Variants in PHF12 observed in about 807,000 individuals in gnomAD.
PHF12 encodes the protein PHD factor 1.
Under a neutral mutation model 99.8 loss-of-function variants are expected in PHF12, and 6 were observed. The observed-to-expected ratio is 0.06, with a 90% CI of 0.03 to 0.12. The LOEUF (loss-of-function observed/expected upper bound fraction) is 0.12, where lower values mean the gene tolerates loss of function less well. PHF12 is among the 10% of genes least tolerant of loss of function. The probability of loss-of-function intolerance (pLI) is 1.00; values close to 1 mark genes in which losing one functional copy is unlikely to be tolerated. For missense variants in PHF12, 954 were observed against 1,300.1 expected (o/e 0.73, Z 4.09); for synonymous variants, 480 against 514.9 (o/e 0.93, Z 0.92).
At chr17:28,911,010 T>G (rs2039949828) in intron 10 of PHF12, 102 bp downstream of exon 10, 4 of 1,510,350 alleles carry the variant, frequency 2.6e-6, no homozygotes, top group Middle Eastern at 1.8e-4. Flanking sequence ...GCCTCTGGGA[T>G]CAGGTGTCCC....
rs182486377 is a variant in PHF12 at position 28,950,283 on chromosome 17, G to A, written c.67-37C>T. The stretch of plus-strand genomic sequence containing the variant: ...TACAAACGGCGTGTGTGCACACTCG[G>A]AGCTCCCGGGCGGTCCGTCGCCCCC... On this transcript the variant is annotated intron_variant, in intron 1 of 14. Transcript: ENST00000332830. The surrounding 1 kb of genome is among the most constrained non-coding windows in gnomAD (Gnocchi z 5.7). 9.3e-4 allele frequency: 1,454 copies of A among 1,562,798 alleles called. 2 individuals carry two copies. Among genetic ancestry groups the A allele is most frequent in the Non-Finnish European group, 1.2e-3 (1,362 of 1,156,772 alleles).
At chr17:28,928,704 C>A (rs945417765) in intron 2 of PHF12, among the ~76,000 whole-genome samples, 24 of 152,200 alleles carry the variant, frequency 1.6e-4, no homozygotes, top group African/African-American at 5.8e-4. Flanking sequence ...ATCCTTTGAA[C>A]TCGGGAGGCG....
chr17:28,921,098 A>G (rs896853851), intron 5 of PHF12, among the ~76,000 whole-genome samples: 4 of 151,686 alleles, frequency 2.6e-5, no homozygotes, highest in African/African-American at 9.7e-5. Flanking sequence ...GTTAGCCAGG[A>G]TGGTCTCAAT....
At chr17:28,919,399 C>T (rs2040119503) in intron 5 of PHF12, 124 bp from the exon 6 acceptor site, 1 of 525,704 alleles carries the variant, frequency 1.9e-6, no homozygotes, top group Admixed American at 3.6e-5. Context: ...CTAACATTCT[C>T]CCCTATCTTC....
chr17:28,925,282 C>A (rs1778432413), intron 3 of PHF12: 1 of 152,176 alleles, frequency 6.6e-6, no homozygotes, highest in African/African-American at 2.4e-5. Context: ...ACAGAAAAAT[C>A]TTTCTCCTCC....
intron 11 of PHF12, chr17:28,909,813 A>C: frequency 1.9e-6 from 1 of 521,950 alleles, no homozygotes; most frequent in Admixed American, 3.4e-5. Context: ...CTGGTCTCCA[A>C]CTCCTGGGCT....
chr17:28,936,750 T>G (rs914516668), intron 2 of PHF12, among the ~76,000 whole-genome samples: 2 of 152,158 alleles, frequency 1.3e-5, no homozygotes, highest in Non-Finnish European at 2.9e-5. Flanking sequence ...AAGCAAACAA[T>G]AGGACTGAGC....
In PHF12 at chr17:28,931,642, C is replaced by T. The variant is rs542319959; in HGVS notation, c.249-4579G>A. ...TATCACCCAAGCTGGAGTTCAGTGG[C>T]GTGATCTCGGCTCACTGCAACCTCT... On this transcript the variant is annotated intron_variant, in intron 2 of 14. Coordinates refer to ENST00000332830, the MANE Select transcript of PHF12 (RefSeq NM_001033561.2). 4.0e-5 allele frequency among the ~76,000 whole-genome samples: 6 copies of T among 151,218 alleles called. No individual in the cohort carries two copies. In the East Asian group the frequency reaches 9.7e-4, roughly 25 times the overall value.
intron 12 of PHF12, chr17:28,908,098 A>G (rs1427880622): frequency 6.0e-6 from 1 of 165,778 alleles, no homozygotes; most frequent in African/African-American, 2.4e-5. Flanking sequence ...GGGAAAACAA[A>G]ACAAAACAAA....
At chr17:28,942,076 A>G (rs536226388) in intron 2 of PHF12, among the ~76,000 whole-genome samples, 3 of 152,314 alleles carry the variant, frequency 2.0e-5, no homozygotes, top group African/African-American at 4.8e-5. Flanking sequence ...TTTGCTAGGA[A>G]AGGACATGCA....
chr17:28,932,800 G>A (rs907528448), intron 2 of PHF12, among the ~76,000 whole-genome samples: 5 of 152,158 alleles, frequency 3.3e-5, no homozygotes, highest in Admixed American at 1.3e-4. Context: ...ACAAAAATTG[G>A]CTGGGTGTGG....
chr17:28,928,709 G>A (rs1244442191), intron 2 of PHF12, among the ~76,000 whole-genome samples: 1 of 152,068 alleles, frequency 6.6e-6, no homozygotes, highest in Non-Finnish European at 1.5e-5. Flanking sequence ...TTGAACTCGG[G>A]AGGCGGAAGT....
At chr17:28,910,457 C>T (rs1441472353) in intron 10 of PHF12, 88 bp from the exon 11 acceptor site, 1 of 1,452,638 alleles carries the variant, frequency 6.9e-7, no homozygotes, top group East Asian at 2.3e-5. Flanking sequence ...AATAGTTTGG[C>T]ATTTCTAAAA....
chr17:28,945,295 T>C (rs2040701264), intron 2 of PHF12: 1 of 152,204 alleles, frequency 6.6e-6, no homozygotes, highest in South Asian at 2.1e-4. Flanking sequence ...CAGTTTTCTA[T>C]TCTATGTGTG....
intron 4 of PHF12, among the ~76,000 whole-genome samples, chr17:28,923,189 C>A (rs968638110): frequency 6.6e-6 from 1 of 151,536 alleles, no homozygotes; most frequent in Non-Finnish European, 1.5e-5. Context: ...TTTGCTTTTA[C>A]ATGCACAAAG....
At position 28,943,546 on chromosome 17, in the gene PHF12, C is replaced by T. The variant is rs374246737; in HGVS notation, c.248+6519G>A. On this transcript the variant is annotated intron_variant, in intron 2 of 14. Transcript: ENST00000332830. ...CCGGGAGGCTGAGGCAGGAGAATCG[C>T]TTGAACCTGGGAGGTGGACGCTGCA... Among the ~76,000 whole-genome samples the T allele has an allele frequency of 3.3e-5, 5 of 152,274 alleles. No homozygotes were observed. In the East Asian group the frequency reaches 7.7e-4, roughly 23 times the overall value.
At position 28,906,196 on chromosome 17, in the gene PHF12, T is replaced by C. The variant is rs2039868381; in HGVS notation, c.3002A>G (p.Asn1001Ser). The C allele has an allele frequency of 6.3e-7, 1 of 1,592,888 alleles. No homozygotes were observed. The highest frequency in any genetic ancestry group is 1.1e-5 in the South Asian group (1 of 89,630). Reference protein sequence around the residue: ...KPHQGPVLRSNSVP With the variant: ...KPHQGPVLRSSSVP Reference sequence around the variant, plus strand: ...TAGCCGCCAGTCCTAAGGAACAGAGTTGGAGCGCAGCACAGGGCCCTGGTG... The same window carrying C: ...TAGCCGCCAGTCCTAAGGAACAGAGCTGGAGCGCAGCACAGGGCCCTGGTG... The change falls in exon 15 of 15, where the codon AAC (asparagine) becomes AGC (serine). Residue 1001 changes from asparagine to serine, a missense_variant. Asn to Ser is a conservative substitution (Grantham distance 46, BLOSUM62 1). Around this residue, in one of 8 missense-constraint regions of PHF12, gnomAD observed 136 missense variants for 172.3 expected, o/e 0.79. Coordinates refer to ENST00000332830, the MANE Select transcript of PHF12 (RefSeq NM_001033561.2). This position sits in a 1 kb window ranked among gnomAD's most constrained non-coding sequence, Gnocchi z 4.2.
chr17:28,906,941 G>T lies in PHF12; in HGVS notation c.2595C>A (p.Asp865Glu). 1 of 1,613,378 alleles carries T rather than the reference G, an allele frequency of 6.2e-7. No homozygotes were observed. The highest frequency in any genetic ancestry group is 8.5e-7 in the Non-Finnish European group (1 of 1,179,650). Residue 865 changes from aspartate to glutamate, a missense_variant, in exon 14 of 15, where the codon GAC becomes GAA. Physicochemically the swap from Asp to Glu is conservative, Grantham distance 45. Coordinates refer to ENST00000332830, the MANE Select transcript of PHF12 (RefSeq NM_001033561.2). This position sits in a 1 kb window ranked among gnomAD's most constrained non-coding sequence, Gnocchi z 4.2. ...LNYSEHGTTV[D>E]NVLYSCDFSE... ...AGAAGTCACATGAATACAGCACATT[G>T]TCCACCGTTGTCCCATGCTCACTGT...
Position 28,926,979 on chromosome 17 carries a change from C to G in PHF12, c.321+12G>C, listed in dbSNP as rs1248709408. 2 of 1,613,766 alleles carry G rather than the reference C, an allele frequency of 1.2e-6. No homozygotes were observed. Among genetic ancestry groups the G allele is most frequent in the East Asian group, 2.2e-5 (1 of 44,886 alleles). On this transcript the variant is annotated intron_variant, in intron 3 of 14. Coordinates refer to ENST00000332830, the MANE Select transcript of PHF12 (RefSeq NM_001033561.2). ...GGCTTTCTGGACAGTCTTCAGAAAGCAGCATTATTACCTTTCGGCGAACAG... is the reference window on the plus strand; with the variant it reads ...GGCTTTCTGGACAGTCTTCAGAAAGGAGCATTATTACCTTTCGGCGAACAG...
Sources: allele counts gnomAD v4.1 joint callset (sites outside exome capture counted in the v4.1 genomes callset), GRCh38; gene constraint gnomAD v4.1.1; regional missense constraint gnomAD v4.1.1; non-coding constraint Gnocchi (gnomAD v3.1); transcripts MANE v1.5; gene names NCBI Gene and HGNC (gene_info 2026-07-23, HGNC 2026-07-21).